The following SH3GL2 variants were observed in gnomAD, a reference collection of about 807,000 sequenced individuals.
SH3GL2 encodes endophilin-A1.
A neutral mutation model predicts 46.0 loss-of-function variants in SH3GL2; 24 were observed. The ratio of observed to expected loss-of-function variants is 0.52; its 90% CI spans 0.38 to 0.73. The LOEUF (loss-of-function observed/expected upper bound fraction) is 0.73, where lower values mean the gene tolerates loss of function less well. SH3GL2 is among the 30% of genes least tolerant of loss of function. The pLI is 0.00. For synonymous variants in SH3GL2, 196 were observed against 147.1 expected (o/e 1.33, Z -2.40); for missense variants, 413 against 424.2 (o/e 0.97, Z 0.23).
intron 1 of SH3GL2, among the ~76,000 whole-genome samples, chr9:17,652,520 C>T (rs1277871860): frequency 6.6e-6 from 1 of 152,082 alleles, no homozygotes; most frequent in Non-Finnish European, 1.5e-5. Flanking sequence ...TTCAGAAGAG[C>T]AGCTAGTCTA....
intron 1 of SH3GL2, among the ~76,000 whole-genome samples, chr9:17,600,316 A>C (rs1818647188): frequency 6.6e-6 from 1 of 152,210 alleles, no homozygotes; most frequent in Non-Finnish European, 1.5e-5. Flanking sequence ...CAGCCTTAAA[A>C]GGTAGGAGAA....
intron 3 of SH3GL2, among the ~76,000 whole-genome samples, chr9:17,785,137 A>G (rs1823916416): frequency 6.6e-6 from 1 of 152,186 alleles, no homozygotes; most frequent in Admixed American, 6.5e-5. Context: ...TAACTGCTAC[A>G]TACTGTTTGG....
At chr9:17,641,919 A>G (rs4961581) in intron 1 of SH3GL2, among the ~76,000 whole-genome samples, 77,232 of 151,984 alleles carry the variant, frequency 0.51, 20,905 homozygotes, top group Non-Finnish European at 0.62. Flanking sequence ...ATGTGTCTTT[A>G]GAGTAGAATG....
At chr9:17,730,282 G>T (rs1403545351) in intron 1 of SH3GL2, among the ~76,000 whole-genome samples, 2 of 152,034 alleles carry the variant, frequency 1.3e-5, no homozygotes, top group African/African-American at 4.8e-5. Context: ...GTATGGGAAT[G>T]TTTTTGATTT....
In SH3GL2 at chr9:17,642,092, G is replaced by A. The variant is rs145166106; in HGVS notation, c.45+62805G>A. Among the ~76,000 whole-genome samples the A allele has an allele frequency of 5.9e-3, 904 of 151,968 alleles. 7 individuals carry two copies. The highest frequency in any genetic ancestry group is 0.051 in the South Asian group (242 of 4,790). ...AGCATTCCTGTTTCTCCACATCCTCGCCAGCATCTGTTATTTCCTGATGAT... is the reference window on the plus strand; with the variant it reads ...AGCATTCCTGTTTCTCCACATCCTCACCAGCATCTGTTATTTCCTGATGAT... On this transcript the variant is annotated intron_variant, in intron 1 of 8. Coordinates refer to ENST00000380607, the MANE Select transcript of SH3GL2 (RefSeq NM_003026.5).
In SH3GL2 at chr9:17,751,831, G is replaced by A. The variant is rs148673557; in HGVS notation, c.114+4697G>A. Among the ~76,000 whole-genome samples the A allele has an allele frequency of 4.5e-3, 686 of 152,002 alleles. 4 individuals are homozygous for A. The highest frequency in any genetic ancestry group is 0.015 in the African/African-American group (624 of 41,336). Reference sequence around the variant, plus strand: ...ATGGTGTGATGGGAAAGGAGGAGGCGTGGAGCATTGTGCTAAGACACACCC... The same window carrying A: ...ATGGTGTGATGGGAAAGGAGGAGGCATGGAGCATTGTGCTAAGACACACCC... On this transcript the variant is annotated intron_variant, in intron 2 of 8. Coordinates refer to ENST00000380607, the MANE Select transcript of SH3GL2 (RefSeq NM_003026.5).
At chr9:17,620,640 G>T (rs1327169971) in intron 1 of SH3GL2, among the ~76,000 whole-genome samples, 2 of 152,164 alleles carry the variant, frequency 1.3e-5, no homozygotes, top group African/African-American at 4.8e-5. Flanking sequence ...AATTGGTCAA[G>T]CAGTCCAGCA....
At chr9:17,584,204 G>A (rs780999430) in intron 1 of SH3GL2, among the ~76,000 whole-genome samples, 26 of 151,998 alleles carry the variant, frequency 1.7e-4, no homozygotes, top group African/African-American at 5.3e-4. Context: ...TCCTCCCCTC[G>A]AAAAGTAAAA....
At position 17,735,679 on chromosome 9, in the gene SH3GL2, A is replaced by G. The variant is rs545840105; in HGVS notation, c.46-11387A>G. ...CACAGGGGTTCTAGGTTCTAGAACC[A>G]ATCCCCTGCATACACTGAGGGACAA... On this transcript the variant is annotated intron_variant, in intron 1 of 8. Coordinates refer to ENST00000380607, the MANE Select transcript of SH3GL2 (RefSeq NM_003026.5). The G allele has an allele frequency of 6.9e-6, 4 of 579,590 alleles. No homozygotes were observed. In the African/African-American group the frequency reaches 8.0e-5, roughly 12 times the overall value. 35.9% of individuals were successfully genotyped at this position (579,590 alleles called of 1,614,324 possible).
chr9:17,780,461 A>C (rs1394585585), intron 3 of SH3GL2, among the ~76,000 whole-genome samples: 4 of 147,062 alleles, frequency 2.7e-5, no homozygotes, highest in African/African-American at 1.0e-4. Context: ...GATATTTTGA[A>C]TAGCACAGTT....
At chr9:17,737,722 C>G (rs377415440) in intron 1 of SH3GL2, among the ~76,000 whole-genome samples, 1 of 152,078 alleles carries the variant, frequency 6.6e-6, no homozygotes, top group African/African-American at 2.4e-5. Context: ...TTCCCTGCCT[C>G]GTCTTTAATT....
intron 1 of SH3GL2, among the ~76,000 whole-genome samples, chr9:17,677,612 T>A (rs1440797231): frequency 6.9e-6 from 1 of 145,060 alleles, no homozygotes; most frequent in African/African-American, 2.8e-5. Context: ...TACCTACTGT[T>A]TAAATTGTAT....
chr9:17,642,575 A>G (rs1213645740), intron 1 of SH3GL2, among the ~76,000 whole-genome samples: 1 of 152,226 alleles, frequency 6.6e-6, no homozygotes, highest in Non-Finnish European at 1.5e-5. Context: ...GCATATGGCC[A>G]GCCAGTTTTC....
chr9:17,665,427 G>A (rs909938055), intron 1 of SH3GL2, among the ~76,000 whole-genome samples: 2 of 152,016 alleles, frequency 1.3e-5, no homozygotes, highest in Non-Finnish European at 2.9e-5. Context: ...TGTTTTTGAT[G>A]AGTACAGGCA....
At chr9:17,749,854 G>A (rs1180542606) in intron 2 of SH3GL2, among the ~76,000 whole-genome samples, 1 of 152,058 alleles carries the variant, frequency 6.6e-6, no homozygotes, top group African/African-American at 2.4e-5. Context: ...TAAGGTATAA[G>A]GATTATTTCT....
chr9:17,711,794 C>CT (rs1487330464), intron 1 of SH3GL2, among the ~76,000 whole-genome samples: 1 of 151,706 alleles, frequency 6.6e-6, no homozygotes, highest in African/African-American at 2.4e-5. Context: ...AAGACATATT[C>CT]TTTTAATGGA....
intron 4 of SH3GL2, 131 bp from the exon 5 acceptor site, chr9:17,787,249 C>G (rs956142282): frequency 3.6e-5 from 25 of 693,374 alleles, no homozygotes; most frequent in Non-Finnish European, 5.8e-5. Context: ...CTGAAGATAC[C>G]TATTCTCTCT....
chr9:17,598,087 G>A (rs1036686628), intron 1 of SH3GL2, among the ~76,000 whole-genome samples: 3 of 152,192 alleles, frequency 2.0e-5, no homozygotes, highest in Admixed American at 2.0e-4. Context: ...TCACGTGGAG[G>A]TCATACCTGA....
chr9:17,686,968 G>A (rs1486857096), intron 1 of SH3GL2, among the ~76,000 whole-genome samples: 3 of 151,632 alleles, frequency 2.0e-5, no homozygotes, highest in Admixed American at 6.6e-5. Flanking sequence ...TGGGAAGATC[G>A]ACAGTGGAAT....
Sources: allele counts gnomAD v4.1 joint callset (sites outside exome capture counted in the v4.1 genomes callset), GRCh38; gene constraint gnomAD v4.1.1; transcripts MANE v1.5; gene names NCBI Gene and HGNC (gene_info 2026-07-23, HGNC 2026-07-21).